Variants in PPP4C observed in about 807,000 individuals in gnomAD.
PPP4C encodes protein phosphatase 4 catalytic subunit.
A neutral mutation model predicts 40.5 loss-of-function variants in PPP4C; 10 were observed. The ratio of observed to expected loss-of-function variants is 0.25; its 90% CI spans 0.15 to 0.42. The LOEUF (loss-of-function observed/expected upper bound fraction) is 0.42, where lower values mean the gene tolerates loss of function less well. Among genes scored for constraint, PPP4C ranks in the 10% least tolerant of loss-of-function variants. The pLI is 1.00. For synonymous variants in PPP4C, 187 were observed against 163.6 expected, an observed-to-expected ratio of 1.14 and a Z score of -1.09; for missense variants, 191 against 416.4, an observed-to-expected ratio of 0.46 and a Z score of 4.71.
At position 30,083,721 on chromosome 16, in the gene PPP4C, C is replaced by T. The variant is rs753177974; in HGVS notation, c.544C>T (p.Arg182Ter). ...QTLDQIRTIDRKQEVPHDGPM... is the reference protein window; with the variant it reads ...QTLDQIRTID ...CCTGGATCAGATTCGGACAATCGAC[C>T]GAAAGCAAGAGGTGCCTCATGATGG... Residue 182 changes from arginine to a stop codon, truncating the protein, a stop_gained, in exon 7 of 9, where the codon CGA (arginine) becomes TGA (stop). Transcript: ENST00000279387. LOFTEE classifies it high-confidence loss of function. This position sits in a 1 kb window ranked among gnomAD's most constrained non-coding sequence, Gnocchi z 6.3. 3.7e-6 allele frequency: 6 copies of T among 1,614,128 alleles called. No homozygotes were observed. The highest frequency in any genetic ancestry group is 4.2e-6 in the Non-Finnish European group (5 of 1,179,998).
At chr16:30,077,010 G>A (rs1175521303) in intron 2 of PPP4C, among the ~76,000 whole-genome samples, 1 of 152,068 alleles carries the variant, frequency 6.6e-6, no homozygotes, top group Non-Finnish European at 1.5e-5. Flanking sequence ...CCTTTTTCAG[G>A]CCATAATGCA....
intron 4 of PPP4C, 43 bp from the exon 5 acceptor site, chr16:30,082,703 G>C: frequency 1.3e-6 from 2 of 1,575,798 alleles, no homozygotes; most frequent in Non-Finnish European, 1.7e-6. Flanking sequence ...GTAGGGGGTA[G>C]GGGACTGTTT....
Position 30,076,495 on chromosome 16 carries a change from G to A in PPP4C, c.98+20G>A. On this transcript the variant is annotated intron_variant, in intron 2 of 8. Transcript: ENST00000279387. ...GGCCAGGTGAGCTCGTTGGCCCTGG[G>A]GAAGGGAGGCCAAGCCGCCGCCCAC... 3 of 1,595,336 alleles carry A rather than the reference G, an allele frequency of 1.9e-6. No homozygotes were observed. The highest frequency in any genetic ancestry group is 1.7e-6 in the Non-Finnish European group (2 of 1,170,416).
chr16:30,081,175 A>T (rs1311684053), intron 2 of PPP4C, 84 bp from the exon 3 acceptor site: 1 of 1,597,762 alleles, frequency 6.3e-7, no homozygotes, highest in Admixed American at 1.7e-5. Context: ...GGACTGCCTC[A>T]TATCCTCCCC....
intron 1 of PPP4C, 68 bp from the exon 2 acceptor site, chr16:30,076,247 A>T: frequency 1.1e-6 from 1 of 912,862 alleles, no homozygotes; most frequent in Non-Finnish European, 1.7e-6. Context: ...GGCCGGCTCT[A>T]GAATCGAGTT....
Position 30,084,810 on chromosome 16 carries a change from A to G in PPP4C, c.749A>G (p.Asn250Ser), listed in dbSNP as rs759099789. 18 of 1,614,110 alleles carry G rather than the reference A, an allele frequency of 1.1e-5. 1 individual carries two copies. Among genetic ancestry groups the G allele is most frequent in the South Asian group, 1.1e-4 (10 of 91,092 alleles). Reference sequence around the variant, plus strand: ...ATGGAAGGTTACAAGTGGCACTTCAATGAGACGGTGCTCACTGTGTGGTCG... The same window carrying G: ...ATGGAAGGTTACAAGTGGCACTTCAGTGAGACGGTGCTCACTGTGTGGTCG... ...LVMEGYKWHF[N>S]ETVLTVWSAP... is the part of the protein sequence containing the mutation. Residue 250 changes from asparagine to serine, a missense_variant, in exon 8 of 9, where the codon AAT becomes AGT. Physicochemically the swap from Asn to Ser is conservative, Grantham distance 46. Coordinates refer to ENST00000279387, the MANE Select transcript of PPP4C (RefSeq NM_002720.3).
rs537518999 is a variant in PPP4C, at chr16:30,080,143, G to A, written c.99-1116G>A. Among the ~76,000 whole-genome samples, 262 of 151,892 alleles carry A rather than the reference G, an allele frequency of 1.7e-3. 2 individuals carry two copies. Among genetic ancestry groups the A allele is most frequent in the African/African-American group, 5.9e-3 (244 of 41,376 alleles). On this transcript the variant is annotated intron_variant, in intron 2 of 8. Coordinates refer to ENST00000279387, the MANE Select transcript of PPP4C (RefSeq NM_002720.3). ...GTAGATCACTTGAGGTCAGGAGTTC[G>A]AGACCAGCCTGGGCAACATAGTGAA... is the stretch of plus-strand genomic sequence containing the variant.
chr16:30,078,643 G>A (rs2072448344), intron 2 of PPP4C, among the ~76,000 whole-genome samples: 1 of 152,218 alleles, frequency 6.6e-6, no homozygotes, highest in Non-Finnish European at 1.5e-5. Flanking sequence ...TGCCTAGAGG[G>A]CACAGACATG....
In PPP4C at chr16:30,083,954, C is replaced by A; in HGVS notation, c.604+173C>A. On this transcript the variant is annotated intron_variant, in intron 7 of 8. Coordinates refer to ENST00000279387, the MANE Select transcript of PPP4C (RefSeq NM_002720.3). The surrounding 1 kb of genome is among the most constrained non-coding windows in gnomAD (Gnocchi z 6.3). Reference sequence around the variant, plus strand: ...GCTTTGAGCACACAGTGGCTTGGGGCATGGCCCAGAGGGCTGTGGAGGACA... The same window carrying A: ...GCTTTGAGCACACAGTGGCTTGGGGAATGGCCCAGAGGGCTGTGGAGGACA... 9.6e-7 allele frequency: 1 copy of A among 1,036,760 alleles called. No individual in the cohort carries two copies. The highest frequency in any genetic ancestry group is 1.4e-6 in the Non-Finnish European group (1 of 722,390). 64.2% of individuals were successfully genotyped at this position (1,036,760 alleles called of 1,614,324 possible).
chr16:30,082,132 C>T (rs1166532778), intron 3 of PPP4C, among the ~76,000 whole-genome samples: 1 of 151,932 alleles, frequency 6.6e-6, no homozygotes, highest in Non-Finnish European at 1.5e-5. Context: ...GATTCTTGGC[C>T]AGGGCAGAAG....
chr16:30,078,495 G>A (rs560270536), intron 2 of PPP4C, among the ~76,000 whole-genome samples: 1 of 152,194 alleles, frequency 6.6e-6, no homozygotes, highest in Non-Finnish European at 1.5e-5. Context: ...GAACTAGGAG[G>A]TACTAGGCCA....
chr16:30,081,613 C>T (rs553081219), intron 3 of PPP4C: 5 of 240,868 alleles, frequency 2.1e-5, no homozygotes, highest in East Asian at 9.2e-5. Flanking sequence ...CGTGGTGGCA[C>T]GTGCCTGTAA....
chr16:30,077,428 G>A (rs1274768988), intron 2 of PPP4C, among the ~76,000 whole-genome samples: 2 of 152,166 alleles, frequency 1.3e-5, no homozygotes, highest in East Asian at 1.9e-4. Flanking sequence ...GCTTTTGAGT[G>A]GAGGTAGGCC....
chr16:30,076,094 G>A lies in PPP4C; in HGVS notation c.-64G>A. 8.7e-6 allele frequency: 4 copies of A among 458,894 alleles called. No individual in the cohort carries two copies. The East Asian group carries it at 1.1e-4, about 13-fold the overall frequency. 28.4% of individuals were successfully genotyped at this position (458,894 alleles called of 1,614,324 possible). A position where few individuals can be genotyped will look rare whatever the true frequency, so the allele number is the denominator to read the frequency against. ...GAGCCGGAACCGGAGTCGCAGCGGCGGTAATAGTGCGAGACTCCTCTAAGT... is the reference window on the plus strand; with the variant it reads ...GAGCCGGAACCGGAGTCGCAGCGGCAGTAATAGTGCGAGACTCCTCTAAGT... On this transcript the variant is annotated splice_region_variant and 5_prime_UTR_variant, in exon 1 of 9. Transcript: ENST00000279387.
chr16:30,076,849 A>C (rs1228082166), intron 2 of PPP4C, among the ~76,000 whole-genome samples: 3 of 152,220 alleles, frequency 2.0e-5, no homozygotes, highest in African/African-American at 7.2e-5. Context: ...AAGACAGGAA[A>C]GTTAAAGACC....
At position 30,083,471 on chromosome 16, in the gene PPP4C, C is replaced by T. The variant is rs778430163; in HGVS notation, c.381C>T (p.Tyr127=). ...SRQITQVYGF[Y]DECLRKYGSV... The stretch of plus-strand genomic sequence containing the variant: ...AGATCACGCAGGTCTATGGCTTCTA[C>T]GATGAGTGCCTGCGCAAGTACGGCT... Residue 127 remains tyrosine, a synonymous_variant, in exon 6 of 9, where the codon TAC becomes TAT. Coordinates refer to ENST00000279387, the MANE Select transcript of PPP4C (RefSeq NM_002720.3). The surrounding 1 kb of genome is among the most constrained non-coding windows in gnomAD (Gnocchi z 6.3). 8.1e-6 allele frequency: 13 copies of T among 1,614,068 alleles called. No individual in the cohort carries two copies. The highest frequency in any genetic ancestry group is 7.7e-5 in the South Asian group (7 of 91,092).
chr16:30,078,372 C>G (rs2151024579), intron 2 of PPP4C, among the ~76,000 whole-genome samples: 1 of 152,286 alleles, frequency 6.6e-6, no homozygotes, highest in African/African-American at 2.4e-5. Context: ...TGACTGTGCT[C>G]CGTGGTCACT....
At chr16:30,076,514 C>G in intron 2 of PPP4C, 39 bp downstream of exon 2, 1 of 1,566,226 alleles carries the variant, frequency 6.4e-7, no homozygotes, top group Non-Finnish European at 8.7e-7. Context: ...GCCAAGCCGC[C>G]GCCCACGGGT....
At chr16:30,080,517 T>C (rs1235309582) in intron 2 of PPP4C, among the ~76,000 whole-genome samples, 1 of 149,432 alleles carries the variant, frequency 6.7e-6, no homozygotes. Flanking sequence ...TTTTTTTTTT[T>C]TTTTTTTGAG....
Sources: gnomAD v4.1 joint callset for allele counts (sites outside exome capture counted in the v4.1 genomes callset) on GRCh38, gnomAD v4.1.1 for gene constraint, Gnocchi (gnomAD v3.1) non-coding constraint, MANE v1.5 for transcripts, NCBI Gene and HGNC (gene_info 2026-07-23, HGNC 2026-07-21) for gene names.